The following MPPED2 variants were observed in gnomAD, a reference collection of about 807,000 sequenced individuals.
MPPED2 encodes the protein metallophosphoesterase MPPED2.
A neutral mutation model predicts 33.0 loss-of-function variants in MPPED2; 5 were observed. The ratio of observed to expected loss-of-function variants is 0.15; its 90% CI spans 0.08 to 0.32. The LOEUF (loss-of-function observed/expected upper bound fraction) is 0.32. Among genes scored for constraint, MPPED2 ranks in the 10% least tolerant of loss-of-function variants. The pLI, the probability that MPPED2 is intolerant of heterozygous loss-of-function variation, is 1.00. For synonymous variants in MPPED2, 136 were observed against 141.9 expected, an observed-to-expected ratio of 0.96 and a Z score of 0.29; for missense variants, 275 against 372.1, an observed-to-expected ratio of 0.74 and a Z score of 2.15.
rs568736371 is a variant in MPPED2, at chr11:30,410,352, A to T, written c.*1116T>A. 44 of 985,838 alleles carry T rather than the reference A, an allele frequency of 4.5e-5. 1 individual carries two copies. In the South Asian group the frequency reaches 1.9e-3, roughly 43 times the overall value. 61.1% of individuals were successfully genotyped at this position (985,838 alleles called of 1,614,324 possible). A position where few individuals can be genotyped will look rare whatever the true frequency, so the allele number is the denominator to read the frequency against. ...AACATAAAATAGAATAAAGCTCAAC[A>T]GCATTTACAATGGGAAAACAGAAAT... On this transcript the variant is annotated 3_prime_UTR_variant, in exon 7 of 7. Coordinates refer to ENST00000358117, the MANE Select transcript of MPPED2 (RefSeq NM_001584.3).
chr11:30,393,438 A>G (rs1947803973), intron 6 of MPPED2, among the ~76,000 whole-genome samples: 1 of 152,158 alleles, frequency 6.6e-6, no homozygotes, highest in Non-Finnish European at 1.5e-5. Flanking sequence ...GATTTTCCAT[A>G]GAAAATTCCC....
chr11:30,494,582 A>T (rs1438651273), intron 4 of MPPED2, among the ~76,000 whole-genome samples: 1 of 151,996 alleles, frequency 6.6e-6, no homozygotes, highest in Non-Finnish European at 1.5e-5. Context: ...TACTAAAAAT[A>T]TGAAAATTAG....
chr11:30,481,390 G>A lies in MPPED2; in HGVS notation c.536+13906C>T, dbSNP rs182500175. On this transcript the variant is annotated intron_variant, in intron 4 of 6. Transcript: ENST00000358117. ...TTTCCTTCTTGACAGTGCAATCAGC[G>A]TATAAAAACCAAATTTCACCATCTG... Among the ~76,000 whole-genome samples the A allele has an allele frequency of 5.2e-3, 798 of 152,154 alleles. 9 individuals carry two copies. Among genetic ancestry groups the A allele is most frequent in the African/African-American group, 0.019 (770 of 41,484 alleles).
chr11:30,428,272 A>G (rs1948930624), intron 4 of MPPED2, among the ~76,000 whole-genome samples: 2 of 152,236 alleles, frequency 1.3e-5, no homozygotes, highest in Admixed American at 1.3e-4. Context: ...AATGCACACA[A>G]CATTATATAT....
chr11:30,459,025 A>T (rs1000522400), intron 4 of MPPED2, among the ~76,000 whole-genome samples: 7 of 137,206 alleles, frequency 5.1e-5, no homozygotes, highest in Non-Finnish European at 9.1e-5. Flanking sequence ...TCCCGGGTTC[A>T]CGCCATTCTC....
At chr11:30,569,143 C>T (rs57237883) in intron 2 of MPPED2, among the ~76,000 whole-genome samples, 6 of 152,152 alleles carry the variant, frequency 3.9e-5, no homozygotes, top group African/African-American at 1.4e-4. Context: ...CCATTAACAT[C>T]GTGGTGGGGT....
Position 30,417,579 on chromosome 11 carries a change from C to A in MPPED2, c.591G>T (p.Leu197=), listed in dbSNP as rs1370886130. 2 of 1,613,406 alleles carry A rather than the reference C, an allele frequency of 1.2e-6. No individual in the cohort carries two copies. The highest frequency in any genetic ancestry group is 1.7e-6 in the Non-Finnish European group (2 of 1,179,578). The part of the protein sequence containing the change: ...GFNLPRGQSL[L]DKWNLIPEGI... The stretch of plus-strand genomic sequence containing the variant: ...CCTCAGGGATGAGGTTCCACTTGTC[C>A]AGCAGAGACTGACCTCTGGGTAGGT... The change falls in exon 5 of 7, where the codon CTG becomes CTT. Residue 197 remains leucine, a synonymous_variant. Transcript: ENST00000358117.
intron 4 of MPPED2, among the ~76,000 whole-genome samples, chr11:30,447,524 T>C (rs1949863326): frequency 2.6e-5 from 4 of 152,054 alleles, no homozygotes; most frequent in South Asian, 4.1e-4. Context: ...CCAGTTGTAA[T>C]AGGAGCCGAG....
chr11:30,493,965 A>G (rs1204016744), intron 4 of MPPED2, among the ~76,000 whole-genome samples: 1 of 152,210 alleles, frequency 6.6e-6, no homozygotes, highest in Non-Finnish European at 1.5e-5. Flanking sequence ...TCTGGCCTCC[A>G]AGGATACATG....
At chr11:30,433,717 A>G (rs1949187616) in intron 4 of MPPED2, among the ~76,000 whole-genome samples, 1 of 152,218 alleles carries the variant, frequency 6.6e-6, no homozygotes, top group South Asian at 2.1e-4. Context: ...CAAAGGGATA[A>G]AAGTTTCTCT....
chr11:30,444,342 G>A (rs763600755), intron 4 of MPPED2, among the ~76,000 whole-genome samples: 5 of 152,022 alleles, frequency 3.3e-5, no homozygotes, highest in Non-Finnish European at 7.4e-5. Context: ...CTCACAAAAT[G>A]CTTCAAACAC....
chr11:30,502,551 G>A (rs112182016), intron 3 of MPPED2, among the ~76,000 whole-genome samples: 22 of 152,314 alleles, frequency 1.4e-4, no homozygotes, highest in African/African-American at 5.3e-4. Context: ...GAGAATGTGG[G>A]AGCCTACCCA....
chr11:30,497,633 G>A (rs1952341042), intron 3 of MPPED2, among the ~76,000 whole-genome samples: 1 of 152,072 alleles, frequency 6.6e-6, no homozygotes, highest in Non-Finnish European at 1.5e-5. Context: ...CGGGTTCAGG[G>A]ACAGCGTGGG....
At chr11:30,492,106 A>G (rs1952009672) in intron 4 of MPPED2, among the ~76,000 whole-genome samples, 1 of 152,240 alleles carries the variant, frequency 6.6e-6, no homozygotes, top group African/African-American at 2.4e-5. Context: ...AAAACATTTT[A>G]AATGATATCA....
intron 2 of MPPED2, among the ~76,000 whole-genome samples, chr11:30,537,280 G>A (rs1954860333): frequency 6.6e-6 from 1 of 152,112 alleles, no homozygotes; most frequent in South Asian, 2.1e-4. Flanking sequence ...GTGAAAAGAA[G>A]CAGTTATAAA....
At chr11:30,549,955 C>G (rs552512999) in intron 2 of MPPED2, among the ~76,000 whole-genome samples, 1 of 152,250 alleles carries the variant, frequency 6.6e-6, no homozygotes, top group East Asian at 1.9e-4. Flanking sequence ...ATGTTAAGTT[C>G]AAATCAGCCC....
chr11:30,443,199 A>C (rs987251358), intron 4 of MPPED2, among the ~76,000 whole-genome samples: 2 of 152,166 alleles, frequency 1.3e-5, no homozygotes, highest in Admixed American at 1.3e-4. Context: ...TAAATAAATA[A>C]AGCATTTATG....
chr11:30,441,019 A>C (rs2133896650), intron 4 of MPPED2, among the ~76,000 whole-genome samples: 1 of 152,316 alleles, frequency 6.6e-6, no homozygotes, highest in South Asian at 2.1e-4. Context: ...CAAACTCGTG[A>C]ATCTCCAAGA....
intron 4 of MPPED2, among the ~76,000 whole-genome samples, chr11:30,472,326 G>A (rs533292366): frequency 1.3e-4 from 19 of 151,950 alleles, no homozygotes; most frequent in East Asian, 3.9e-4. Flanking sequence ...GTGCCATAGC[G>A]CTCCAGCCTA....
Sources: gnomAD v4.1 joint callset for allele counts (sites outside exome capture counted in the v4.1 genomes callset) on GRCh38, gnomAD v4.1.1 for gene constraint, MANE v1.5 for transcripts, NCBI Gene and HGNC (gene_info 2026-07-23, HGNC 2026-07-21) for gene names.